Variants in PTTG1IP2 observed in about 807,000 individuals in gnomAD.
PTTG1IP2 encodes PTTG1IP family member 2.
intron 2 of PTTG1IP2, among the ~76,000 whole-genome samples, chr7:90,481,935 G>C (rs940518387): frequency 6.6e-6 from 1 of 152,022 alleles, no homozygotes; most frequent in Non-Finnish European, 1.5e-5. Context: ...TAACATGATA[G>C]ATACTTTTTT....
chr7:90,492,647 T>C (rs577591627), intron 5 of PTTG1IP2, among the ~76,000 whole-genome samples: 2 of 152,280 alleles, frequency 1.3e-5, no homozygotes, highest in Admixed American at 1.3e-4. Context: ...TACATTTTGG[T>C]AACCTCAATA....
At chr7:90,486,825 TG>T (rs371416477) in intron 2 of PTTG1IP2, among the ~76,000 whole-genome samples, 1 of 152,286 alleles carries the variant, frequency 6.6e-6, no homozygotes, top group Non-Finnish European at 1.5e-5. Flanking sequence ...GGGGTTCAGG[TG>T]CATGTGATTT....
intron 2 of PTTG1IP2, among the ~76,000 whole-genome samples, chr7:90,486,225 G>C (rs928897165): frequency 2.0e-5 from 3 of 152,168 alleles, no homozygotes; most frequent in African/African-American, 7.2e-5. Flanking sequence ...CCAGCACAGA[G>C]CCATGCTACT....
At chr7:90,492,004 G>T (rs532770898) in intron 4 of PTTG1IP2, among the ~76,000 whole-genome samples, 4 of 152,154 alleles carry the variant, frequency 2.6e-5, no homozygotes, top group African/African-American at 9.6e-5. Flanking sequence ...GGTGGTGAGT[G>T]CCTGTAATCC....
chr7:90,469,649 G>T lies in PTTG1IP2; in HGVS notation c.-138G>T, dbSNP rs1227189765. 1 of 152,580 alleles carries T rather than the reference G, an allele frequency of 6.6e-6. No homozygotes were observed. Among genetic ancestry groups the T allele is most frequent in the South Asian group, 2.1e-4 (1 of 4,832 alleles). 9.5% of individuals were successfully genotyped at this position (152,580 alleles called of 1,614,324 possible). On this transcript the variant is annotated 5_prime_UTR_variant, in exon 1 of 7. Coordinates refer to ENST00000509356, the MANE Select transcript of PTTG1IP2 (RefSeq NM_001365443.2). ...TTCTAAGGTTCTGCTGATTATGCTG[G>T]CATCCAGGGCTTGCAAGTGGCAGCT...
In PTTG1IP2 at chr7:90,482,847, A is replaced by G. The variant is rs571354956; in HGVS notation, c.192+3573A>G. ...TCTCACTAACTGTGACCTGATATGG[A>G]TGGTTGGTTGAGACAAAAAGGCGTC... On this transcript the variant is annotated intron_variant, in intron 2 of 6. Coordinates refer to ENST00000509356, the MANE Select transcript of PTTG1IP2 (RefSeq NM_001365443.2). Among the ~76,000 whole-genome samples, 5 of 152,206 alleles carry G rather than the reference A, an allele frequency of 3.3e-5. No individual in the cohort carries two copies. In the South Asian group the frequency reaches 8.3e-4, roughly 25 times the overall value.
chr7:90,475,017 G>A (rs1008749304), intron 1 of PTTG1IP2, among the ~76,000 whole-genome samples: 4 of 152,120 alleles, frequency 2.6e-5, no homozygotes, highest in South Asian at 2.1e-4. Context: ...AGTGCCAGAC[G>A]GTTTATTACT....
chr7:90,489,373 T>G (rs1797913421), intron 4 of PTTG1IP2, among the ~76,000 whole-genome samples: 2 of 151,876 alleles, frequency 1.3e-5, no homozygotes, highest in African/African-American at 2.4e-5. Context: ...GTATTATCAT[T>G]GTGTTATTTT....
intron 6 of PTTG1IP2, among the ~76,000 whole-genome samples, chr7:90,497,729 AAAAAAAAAAAAAAAAG>A (rs1584698216): frequency 2.1e-5 from 3 of 146,332 alleles, no homozygotes; most frequent in East Asian, 2.0e-4. Context: ...AAAAAAAAAA[AAAAAAAAAAAAAAAAG>A]AAGAAGAAGA....
intron 6 of PTTG1IP2, among the ~76,000 whole-genome samples, chr7:90,494,818 C>T (rs1797974872): frequency 6.6e-6 from 1 of 152,160 alleles, no homozygotes; most frequent in Non-Finnish European, 1.5e-5. Flanking sequence ...CAAGACCAGC[C>T]TGGGCAACAT....
intron 1 of PTTG1IP2, 152 bp downstream of exon 1, chr7:90,470,083 G>A (rs2116032698): frequency 6.6e-6 from 1 of 152,556 alleles, no homozygotes; most frequent in South Asian, 2.1e-4. Context: ...AGATGGTTTT[G>A]GTGAAACTCA....
rs1363849280 is a variant in PTTG1IP2 at position 90,497,713 on chromosome 7, TATAAAAAAAAAAA to T, written c.*50+3285_*50+3297del. ...GCCTGAGCGACAGAGAAAGACCCTGTATAAAAAAAAAAAAAAAAAAAAAAAAAAAAAGAAGAAG... is the reference window on the plus strand; with the variant it reads ...GCCTGAGCGACAGAGAAAGACCCTGTAAAAAAAAAAAAAAAAAAGAAGAAG... On this transcript the variant is annotated intron_variant, in intron 6 of 6. Coordinates refer to ENST00000509356, the MANE Select transcript of PTTG1IP2 (RefSeq NM_001365443.2). Among the ~76,000 whole-genome samples, 488 of 49,594 alleles carry T rather than the reference TATAAAAAAAAAAA, an allele frequency of 9.8e-3. 11 individuals are homozygous for T. The highest frequency in any genetic ancestry group is 0.046 in the African/African-American group (455 of 9,822). The allele number at this position is 49,594 out of a possible 152,430, so 32.5% of individuals were successfully genotyped here. A position where few individuals can be genotyped will look rare whatever the true frequency, so the allele number is the denominator to read the frequency against.
At chr7:90,494,729 A>T (rs1266408480) in intron 6 of PTTG1IP2, among the ~76,000 whole-genome samples, 1 of 152,144 alleles carries the variant, frequency 6.6e-6, no homozygotes, top group Non-Finnish European at 1.5e-5. Context: ...AAAAAAATTT[A>T]AAAATTAGCC....
intron 2 of PTTG1IP2, among the ~76,000 whole-genome samples, chr7:90,481,061 C>A (rs2116059604): frequency 6.6e-6 from 1 of 152,076 alleles, no homozygotes; most frequent in South Asian, 2.1e-4. Context: ...GCTGAGAGGC[C>A]CTTCATTAGG....
rs559482553 is a variant in PTTG1IP2, at chr7:90,488,316, T to G, written c.287-555T>G. On this transcript the variant is annotated intron_variant, in intron 3 of 6. Coordinates refer to ENST00000509356, the MANE Select transcript of PTTG1IP2 (RefSeq NM_001365443.2). The stretch of plus-strand genomic sequence containing the variant: ...AAGAAGTTACACTTCTTGTAACTAG[T>G]ATGAACTAGTCTCCTATTTCATGTT... Among the ~76,000 whole-genome samples the G allele has an allele frequency of 1.6e-4, 15 of 92,154 alleles. No homozygotes were observed. In the East Asian group the frequency reaches 3.5e-3, roughly 21 times the overall value. 60.5% of individuals were successfully genotyped at this position (92,154 alleles called of 152,430 possible).
chr7:90,481,252 A>G (rs1204881247), intron 2 of PTTG1IP2, among the ~76,000 whole-genome samples: 1 of 152,108 alleles, frequency 6.6e-6, no homozygotes, highest in African/African-American at 2.4e-5. Context: ...GGAACATGAG[A>G]TGTTTTGATA....
At chr7:90,510,724 A>T (rs928038104) in intron 6 of PTTG1IP2, among the ~76,000 whole-genome samples, 8 of 152,238 alleles carry the variant, frequency 5.3e-5, no homozygotes, top group African/African-American at 1.9e-4. Context: ...AGGCAATGTA[A>T]AAAAGCAAAT....
At chr7:90,508,040 C>T (rs1798143370) in intron 6 of PTTG1IP2, among the ~76,000 whole-genome samples, 1 of 151,874 alleles carries the variant, frequency 6.6e-6, no homozygotes, top group East Asian at 1.9e-4. Flanking sequence ...GGTGGATAGC[C>T]TGAGCTCAGG....
At chr7:90,470,133 T>C (rs1797665966) in intron 1 of PTTG1IP2, 1 of 152,322 alleles carries the variant, frequency 6.6e-6, no homozygotes, top group South Asian at 2.1e-4. Context: ...ATCTGAAATA[T>C]GAAAGGTAGA....
Sources: allele counts gnomAD v4.1 joint callset (sites outside exome capture counted in the v4.1 genomes callset), GRCh38; gene constraint gnomAD v4.1.1; transcripts MANE v1.5; gene names NCBI Gene and HGNC (gene_info 2026-07-23, HGNC 2026-07-21).